Variants in SPATA13 observed in about 807,000 individuals in gnomAD.
SPATA13 encodes the protein spermatogenesis associated 13, also known as spermatogenesis-associated protein 13.
Under a neutral mutation model 104.0 loss-of-function variants are expected in SPATA13, and 50 were observed. That is an observed-to-expected ratio of 0.48 (90% CI 0.38 to 0.61). The LOEUF (loss-of-function observed/expected upper bound fraction) is 0.61, where lower values mean the gene tolerates loss of function less well. Ranked by LOEUF, SPATA13 falls within the 20% of genes least tolerant of loss-of-function variation. SPATA13 has a pLI of 0.00. For synonymous variants in SPATA13, 606 were observed against 667.5 expected (o/e 0.91, Z 1.42); for missense variants, 1,524 against 1,690.6 (o/e 0.90, Z 1.73).
chr13:24,297,867 G>C (rs946671946), intron 11 of SPATA13, 132 bp downstream of exon 11: 1 of 1,128,272 alleles, frequency 8.9e-7, no homozygotes, highest in African/African-American at 1.6e-5. Flanking sequence ...AAGGACAAGG[G>C]ATCTGCAAAC....
chr13:24,149,779 G>C (rs1882042190), intron 3 of SPATA13, among the ~76,000 whole-genome samples: 1 of 152,230 alleles, frequency 6.6e-6, no homozygotes, highest in Admixed American at 6.5e-5. Flanking sequence ...GAGAGCTGCG[G>C]GTCAGGTTGT....
chr13:24,057,855 G>A (rs1276302918), intron 3 of SPATA13, among the ~76,000 whole-genome samples: 2 of 151,758 alleles, frequency 1.3e-5, no homozygotes, highest in Non-Finnish European at 2.9e-5. Context: ...GGCTAAGAGA[G>A]ACTCCAGATT....
intron 1 of SPATA13, among the ~76,000 whole-genome samples, chr13:24,195,005 G>A (rs966052926): frequency 6.6e-6 from 1 of 152,092 alleles, no homozygotes; most frequent in Non-Finnish European, 1.5e-5. Flanking sequence ...CAACTAAATG[G>A]CTTTTAGCAC....
intron 3 of SPATA13, among the ~76,000 whole-genome samples, chr13:24,036,663 C>T (rs1010059989): frequency 1.3e-5 from 2 of 152,088 alleles, no homozygotes; most frequent in Non-Finnish European, 2.9e-5. Context: ...TCTAAAACTT[C>T]GCAATTCTGT....
At chr13:24,270,297 C>G (rs1323363976) in intron 4 of SPATA13, among the ~76,000 whole-genome samples, 1 of 152,096 alleles carries the variant, frequency 6.6e-6, no homozygotes, top group Non-Finnish European at 1.5e-5. Flanking sequence ...TACATGTATA[C>G]CTTTTGAACA....
chr13:24,188,932 C>T (rs1869334946), intron 1 of SPATA13, among the ~76,000 whole-genome samples: 1 of 152,130 alleles, frequency 6.6e-6, no homozygotes, highest in Non-Finnish European at 1.5e-5. Flanking sequence ...TGCCTGTGTT[C>T]CATAAATGGA....
chr13:24,026,159 T>C (rs986279008), intron 3 of SPATA13, among the ~76,000 whole-genome samples: 3 of 152,216 alleles, frequency 2.0e-5, no homozygotes, highest in Admixed American at 2.0e-4. Context: ...CAAAGTATGA[T>C]TTTTCATGTC....
chr13:24,204,350 G>A (rs1870583835), intron 1 of SPATA13, among the ~76,000 whole-genome samples: 1 of 147,738 alleles, frequency 6.8e-6, no homozygotes, highest in Non-Finnish European at 1.5e-5. Context: ...ATATATTTTG[G>A]AAATGCTTAA....
chr13:24,225,801 C>T (rs1158092196), intron 2 of SPATA13, among the ~76,000 whole-genome samples: 3 of 152,232 alleles, frequency 2.0e-5, no homozygotes, highest in Non-Finnish European at 2.9e-5. Flanking sequence ...GTCTGTAGCT[C>T]GGTGAGCTGG....
intron 3 of SPATA13, among the ~76,000 whole-genome samples, chr13:24,052,239 A>G (rs1878371676): frequency 6.6e-6 from 1 of 152,156 alleles, no homozygotes; most frequent in Non-Finnish European, 1.5e-5. Flanking sequence ...AATCAGTTGC[A>G]TATTAGAATT....
At chr13:24,150,180 T>G (rs1882056731) in intron 3 of SPATA13, among the ~76,000 whole-genome samples, 1 of 152,070 alleles carries the variant, frequency 6.6e-6, no homozygotes, top group Non-Finnish European at 1.5e-5. Context: ...ACACATTGGC[T>G]CTACAGTGCC....
Position 24,297,666 on chromosome 13 carries a change from G to T in SPATA13, c.3514G>T (p.Glu1172Ter), listed in dbSNP as rs1876889003. 1 of 1,614,128 alleles carries T rather than the reference G, an allele frequency of 6.2e-7. No individual in the cohort carries two copies. The highest frequency in any genetic ancestry group is 8.5e-7 in the Non-Finnish European group (1 of 1,180,060). Residue 1172 changes from glutamate to a stop codon, truncating the protein, a stop_gained, in exon 11 of 13, where the codon GAA becomes TAA. Coordinates refer to ENST00000382108, the MANE Select transcript of SPATA13 (RefSeq NM_001166271.3). LOFTEE classifies it high-confidence loss of function. ...TTATTTGTTTTGTGCCAAAAAACAA[G>T]AAGACAAGGCGAGGTGGCTGCAGGC... is the stretch of plus-strand genomic sequence containing the variant. Reference protein sequence around the residue: ...EVYLFCAKKQEDKARWLQACA... With the variant: ...EVYLFCAKKQ
upstream of SPATA13, among the ~76,000 whole-genome samples, chr13:24,156,144 G>T (rs2138476880): frequency 6.6e-6 from 1 of 152,328 alleles, no homozygotes; most frequent in South Asian, 2.1e-4. Flanking sequence ...CTATGAAAGT[G>T]GGTGTACAAA....
chr13:24,281,927 T>C (rs1875557622), intron 4 of SPATA13, among the ~76,000 whole-genome samples: 1 of 152,224 alleles, frequency 6.6e-6, no homozygotes, highest in Non-Finnish European at 1.5e-5. Flanking sequence ...CTCCTCATCA[T>C]GACAGCCCTG....
At chr13:23,982,296 C>T (rs1258949350) in intron 1 of SPATA13, among the ~76,000 whole-genome samples, 6 of 152,206 alleles carry the variant, frequency 3.9e-5, no homozygotes, top group African/African-American at 1.2e-4. Context: ...GCATTTTCCA[C>T]TGCAGCCTGG....
chr13:24,293,336 T>C lies in SPATA13; in HGVS notation c.3081-1403T>C, dbSNP rs545074865. On this transcript the variant is annotated intron_variant, in intron 9 of 12. Coordinates refer to ENST00000382108, the MANE Select transcript of SPATA13 (RefSeq NM_001166271.3). ...CAAAGACACTTTTAAGAAAATGTCCTGATGGCATGATGAGGAGTCAGAGCC... is the reference window on the plus strand; with the variant it reads ...CAAAGACACTTTTAAGAAAATGTCCCGATGGCATGATGAGGAGTCAGAGCC... Among the ~76,000 whole-genome samples, 3 of 151,990 alleles carry C rather than the reference T, an allele frequency of 2.0e-5. No individual in the cohort carries two copies. The South Asian group carries it at 6.2e-4, about 32-fold the overall frequency.
upstream of SPATA13, among the ~76,000 whole-genome samples, chr13:24,160,014 C>T (rs1251308033): frequency 6.6e-6 from 1 of 152,192 alleles, no homozygotes; most frequent in Non-Finnish European, 1.5e-5. Context: ...CCTTGAGCCT[C>T]ACAAGAAAGG....
At chr13:24,176,267 T>G (rs1430378443) in intron 1 of SPATA13, among the ~76,000 whole-genome samples, 1 of 152,232 alleles carries the variant, frequency 6.6e-6, no homozygotes, top group Non-Finnish European at 1.5e-5. Context: ...TCTACATAAG[T>G]CATGTTGAAC....
intron 2 of SPATA13, among the ~76,000 whole-genome samples, chr13:24,240,856 T>G (rs1043766379): frequency 6.6e-6 from 1 of 152,220 alleles, no homozygotes; most frequent in South Asian, 2.1e-4. Context: ...GTATCTAATA[T>G]CACCACCATG....
Sources: gnomAD v4.1 joint callset for allele counts (sites outside exome capture counted in the v4.1 genomes callset) on GRCh38, gnomAD v4.1.1 for gene constraint, MANE v1.5 for transcripts, NCBI Gene and HGNC (gene_info 2026-07-23, HGNC 2026-07-21) for gene names.